ZFYVE21: variants seen among roughly 807,000 people sequenced by gnomAD.
The protein encoded by ZFYVE21 is zinc finger FYVE-type containing 21, also known as zinc finger FYVE domain-containing protein 21.
ZFYVE21 carries 21 observed loss-of-function variants against 29.5 expected under a neutral mutation model. The observed-to-expected ratio is 0.71, with a 90% CI of 0.50 to 1.02. The LOEUF is 1.02. Among genes scored for constraint, ZFYVE21 ranks in the 50% least tolerant of loss-of-function variants. The pLI is 0.00. For synonymous variants in ZFYVE21, 151 were observed against 133.8 expected (o/e 1.13, Z -0.89); for missense variants, 326 against 335.4 (o/e 0.97, Z 0.22).
intron 1 of ZFYVE21, among the ~76,000 whole-genome samples, chr14:103,718,155 A>C (rs1012014543): frequency 6.6e-6 from 1 of 152,116 alleles, no homozygotes; most frequent in Non-Finnish European, 1.5e-5. Context: ...GGAGAGGAGA[A>C]TTTGGTAGAA....
chr14:103,729,842 TGAA>T (rs2083958884), intron 5 of ZFYVE21: 1 of 1,536,058 alleles, frequency 6.5e-7, no homozygotes, highest in Non-Finnish European at 8.7e-7. Context: ...AGCCTGCCTC[TGAA>T]GGTCAGCCTC....
Position 103,733,239 on chromosome 14 carries a change from T to C in ZFYVE21, c.*221T>C, listed in dbSNP as rs544768785. 3 of 597,222 alleles carry C rather than the reference T, an allele frequency of 5.0e-6. No individual in the cohort carries two copies. The highest frequency in any genetic ancestry group is 6.2e-5 in the Admixed American group (2 of 32,324). 37.0% of individuals were successfully genotyped at this position (597,222 alleles called of 1,614,324 possible). A position where few individuals can be genotyped will look rare whatever the true frequency, so the allele number is the denominator to read the frequency against. On this transcript the variant is annotated 3_prime_UTR_variant, in exon 7 of 7. Coordinates refer to ENST00000311141, the MANE Select transcript of ZFYVE21 (RefSeq NM_024071.4). ...GCTTCATGTTTTAGAATTTGTGTAT[T>C]GTCAATACTTAATTGGGGGTGGGAG... is the stretch of plus-strand genomic sequence containing the variant.
chr14:103,721,263 G>C (rs1401419162), intron 1 of ZFYVE21, among the ~76,000 whole-genome samples: 1 of 152,228 alleles, frequency 6.6e-6, no homozygotes, highest in Non-Finnish European at 1.5e-5. Flanking sequence ...GACTAGCAAG[G>C]AGGGGACAAG....
At chr14:103,725,716 G>A (rs1037185993) in intron 1 of ZFYVE21, 10 of 152,256 alleles carry the variant, frequency 6.6e-5, no homozygotes, top group Non-Finnish European at 1.0e-4. Context: ...CCTGTGCTTC[G>A]GTGACAAGTT....
At chr14:103,729,889 G>A (rs950798463) in intron 5 of ZFYVE21, 3 of 1,533,378 alleles carry the variant, frequency 2.0e-6, no homozygotes, top group Non-Finnish European at 2.6e-6. Flanking sequence ...CATGCAGCGG[G>A]CCCGTTCCTC....
intron 6 of ZFYVE21, 58 bp downstream of exon 6, chr14:103,732,820 T>TC (rs2083997298): frequency 2.5e-6 from 4 of 1,600,902 alleles, no homozygotes; most frequent in Middle Eastern, 1.8e-4. Context: ...AGCTTGCCTT[T>TC]CCCAGAGGAA....
At chr14:103,727,587 G>C (rs2083939538) in intron 2 of ZFYVE21, 159 bp from the exon 3 acceptor site, 2 of 890,442 alleles carry the variant, frequency 2.2e-6, no homozygotes, top group South Asian at 2.8e-5. Context: ...GCGTGGTGGG[G>C]AGCCCAGGGG....
chr14:103,726,054 C>T (rs2083920735), intron 1 of ZFYVE21: 1 of 152,334 alleles, frequency 6.6e-6, no homozygotes, highest in South Asian at 2.1e-4. Context: ...TGAGCCCTGG[C>T]TTGTGAGTCT....
chr14:103,727,248 TA>T, intron 2 of ZFYVE21: 1 of 354,292 alleles, frequency 2.8e-6, no homozygotes, highest in South Asian at 2.2e-5. Flanking sequence ...ACCCAGCCGT[TA>T]TGGCTCATTT....
intron 1 of ZFYVE21, among the ~76,000 whole-genome samples, chr14:103,719,723 G>C (rs1264416675): frequency 2.0e-5 from 3 of 152,092 alleles, no homozygotes; most frequent in African/African-American, 7.2e-5. Context: ...GGTGCCAGGG[G>C]CTGCCAGAGC....
chr14:103,730,372 G>A (rs1461368277), intron 5 of ZFYVE21: 1 of 153,818 alleles, frequency 6.5e-6, no homozygotes, highest in Non-Finnish European at 1.4e-5. Context: ...GCAAGGTATA[G>A]ATGCCCAGGT....
intron 1 of ZFYVE21, among the ~76,000 whole-genome samples, chr14:103,720,443 T>G (rs2083863291): frequency 6.6e-6 from 1 of 152,226 alleles, no homozygotes; most frequent in Admixed American, 6.5e-5. Flanking sequence ...TGGGTGACGC[T>G]TCTCACTGTA....
At chr14:103,721,581 A>AG (rs1234490364) in intron 1 of ZFYVE21, among the ~76,000 whole-genome samples, 3 of 152,204 alleles carry the variant, frequency 2.0e-5, no homozygotes, top group Admixed American at 2.0e-4. Flanking sequence ...CGTCCATCCT[A>AG]GGGGGCAGTG....
chr14:103,727,813 G>A lies in ZFYVE21; in HGVS notation c.257G>A (p.Arg86His), dbSNP rs1450239390. 1.1e-5 allele frequency: 18 copies of A among 1,612,960 alleles called. No homozygotes were observed. The highest frequency in any genetic ancestry group is 1.5e-5 in the Non-Finnish European group (18 of 1,179,906). Residue 86 changes from arginine (R) to histidine (H), a missense_variant, in exon 3 of 7, where the codon CGC becomes CAC. Coordinates refer to ENST00000311141, the MANE Select transcript of ZFYVE21 (RefSeq NM_024071.4). ...RCCSQKVPLR[R>H]MCFVDPVRQC... ...TGCAGCCAGAAGGTGCCGCTGCGGC[G>A]CATGTGCTTTGTGGACCCCGTGCGG...
At chr14:103,726,486 G>A in intron 1 of ZFYVE21, 1 of 347,482 alleles carries the variant, frequency 2.9e-6, no homozygotes, top group Non-Finnish European at 5.4e-6. Context: ...AGTGTGGAGG[G>A]ACCTGAAGTG....
chr14:103,729,433 C>A, intron 5 of ZFYVE21: 1 of 575,488 alleles, frequency 1.7e-6, no homozygotes, highest in Non-Finnish European at 3.1e-6. Context: ...TAATGATTTC[C>A]TCTGCTCTAA....
In ZFYVE21 at chr14:103,726,856, G is replaced by A. The variant is rs749711832; in HGVS notation, c.189+14G>A. 98 of 1,613,564 alleles carry A rather than the reference G, an allele frequency of 6.1e-5. No homozygotes were observed. The highest frequency in any genetic ancestry group is 7.0e-5 in the Non-Finnish European group (83 of 1,179,990). On this transcript the variant is annotated intron_variant, in intron 2 of 6. Transcript: ENST00000311141. ...CTCACCAGAAAGGTGAGCTGAGGCC[G>A]CTGAGTGGGGGTGGTGGGAAGAGGG...
chr14:103,721,909 CGCAG>C (rs2083875684), intron 1 of ZFYVE21, among the ~76,000 whole-genome samples: 1 of 152,226 alleles, frequency 6.6e-6, no homozygotes, highest in Non-Finnish European at 1.5e-5. Flanking sequence ...TGGGATGTGA[CGCAG>C]AGGCTGGCAT....
rs2083811178 is a variant in ZFYVE21, at chr14:103,716,360, G to A, written c.138+381G>A. Reference sequence around the variant, plus strand: ...GTCCCGAGAGCTGGGGCTCGCTCCCGAGAAAGTGGAAGGCGGAGCGCCTTC... The same window carrying A: ...GTCCCGAGAGCTGGGGCTCGCTCCCAAGAAAGTGGAAGGCGGAGCGCCTTC... On this transcript the variant is annotated intron_variant, in intron 1 of 6. Coordinates refer to ENST00000311141, the MANE Select transcript of ZFYVE21 (RefSeq NM_024071.4). This position sits in a 1 kb window ranked among gnomAD's most constrained non-coding sequence, Gnocchi z 4.8. Among the ~76,000 whole-genome samples, 1 of 152,180 alleles carries A rather than the reference G, an allele frequency of 6.6e-6. No homozygotes were observed. The highest frequency in any genetic ancestry group is 2.1e-4 in the South Asian group (1 of 4,832).
Sources: gnomAD v4.1 joint callset for allele counts (sites outside exome capture counted in the v4.1 genomes callset) on GRCh38, gnomAD v4.1.1 for gene constraint, Gnocchi (gnomAD v3.1) non-coding constraint, MANE v1.5 for transcripts, NCBI Gene and HGNC (gene_info 2026-07-23, HGNC 2026-07-21) for gene names.